Variants in CALD1 observed in about 807,000 individuals in gnomAD.
CALD1 encodes caldesmon 1.
CALD1 carries 33 observed loss-of-function variants against 99.9 expected under a neutral mutation model. The ratio of observed to expected loss-of-function variants is 0.33; its 90% CI spans 0.25 to 0.44. The LOEUF (loss-of-function observed/expected upper bound fraction) is 0.44. Among genes scored for constraint, CALD1 ranks in the 20% least tolerant of loss-of-function variants. The probability of loss-of-function intolerance (pLI) is 1.00; values close to 1 mark genes in which losing one functional copy is unlikely to be tolerated. For missense variants in CALD1, 861 were observed against 962.1 expected (o/e 0.89, Z 1.39); for synonymous variants, 310 against 325.0 (o/e 0.95, Z 0.50).
intron 1 of CALD1, among the ~76,000 whole-genome samples, chr7:134,746,285 T>C (rs1796634068): frequency 6.6e-6 from 1 of 152,154 alleles, no homozygotes. Context: ...CTTCACTCTG[T>C]GAGGACACAG....
intron 2 of CALD1, among the ~76,000 whole-genome samples, chr7:134,855,410 C>T (rs1173679941): frequency 6.6e-6 from 1 of 152,202 alleles, no homozygotes; most frequent in African/African-American, 2.4e-5. Context: ...TCCAAAGGAT[C>T]TCAAGAGAAA....
At chr7:134,889,322 T>A (rs1213927088) in intron 3 of CALD1, among the ~76,000 whole-genome samples, 3 of 152,120 alleles carry the variant, frequency 2.0e-5, no homozygotes, top group Non-Finnish European at 4.4e-5. Flanking sequence ...CCCCTCTCCA[T>A]CTTCAAAGCC....
At chr7:134,900,858 G>C (rs370081533) in intron 3 of CALD1, among the ~76,000 whole-genome samples, 2 of 151,990 alleles carry the variant, frequency 1.3e-5, no homozygotes, top group African/African-American at 4.8e-5. Flanking sequence ...AAGAGAAATG[G>C]CATGATATCT....
chr7:134,761,101 G>C (rs1158756281), intron 1 of CALD1, among the ~76,000 whole-genome samples: 29 of 152,148 alleles, frequency 1.9e-4, no homozygotes, highest in African/African-American at 4.8e-5. Context: ...CATGTGACCA[G>C]TCAGAGATAA....
chr7:134,743,099 C>T (rs888120086), upstream of CALD1, among the ~76,000 whole-genome samples: 4 of 152,142 alleles, frequency 2.6e-5, no homozygotes, highest in Admixed American at 6.5e-5. Context: ...TCCACATTTC[C>T]CAGCACTTCT....
At chr7:134,909,684 G>A (rs1049293068) in intron 3 of CALD1, among the ~76,000 whole-genome samples, 1 of 151,870 alleles carries the variant, frequency 6.6e-6, no homozygotes, top group African/African-American at 2.4e-5. Context: ...AGAGCAAAAC[G>A]CAGTCTCAAA....
chr7:134,900,658 C>T (rs776415230), intron 3 of CALD1, among the ~76,000 whole-genome samples: 29 of 152,060 alleles, frequency 1.9e-4, no homozygotes, highest in Non-Finnish European at 3.8e-4. Context: ...AGTGTATGAC[C>T]ACAAGCAGGT....
chr7:134,810,696 A>C (rs1459651545), intron 1 of CALD1, among the ~76,000 whole-genome samples: 5 of 152,074 alleles, frequency 3.3e-5, no homozygotes. Flanking sequence ...ATAAAACCCA[A>C]AGTTTACCTG....
chr7:134,773,786 G>C (rs1234754200), intron 1 of CALD1, among the ~76,000 whole-genome samples: 2 of 103,486 alleles, frequency 1.9e-5, no homozygotes, highest in Non-Finnish European at 3.5e-5. Flanking sequence ...TCTCTTCTGT[G>C]TGTGTGTGTG....
At chr7:134,889,048 G>A (rs1563070266) in intron 3 of CALD1, among the ~76,000 whole-genome samples, 1 of 152,118 alleles carries the variant, frequency 6.6e-6, no homozygotes, top group Non-Finnish European at 1.5e-5. Context: ...TGTCACCTCA[G>A]AATTGGCGTG....
upstream of CALD1, among the ~76,000 whole-genome samples, chr7:134,776,611 C>T (rs1038448076): frequency 2.0e-5 from 3 of 152,116 alleles, no homozygotes; most frequent in African/African-American, 4.8e-5. Context: ...CAAGATTCTA[C>T]CAGCCTGCTT....
chr7:134,891,745 TAAAAAAAAAAAA>T (rs10607357), intron 3 of CALD1: 1 of 426,696 alleles, frequency 2.3e-6, no homozygotes. Flanking sequence ...CGAATTGTTG[TAAAAAAAAAAAA>T]AAAAAAAAAA....
rs188314978 is a variant in CALD1, at chr7:134,750,728, T to G, written c.-130+6365T>G. 5.0e-3 allele frequency among the ~76,000 whole-genome samples: 752 copies of G among 151,178 alleles called. 5 individuals are homozygous for G. The highest frequency in any genetic ancestry group is 0.017 in the African/African-American group (721 of 41,208). On this transcript the variant is annotated intron_variant, in intron 1 of 13. Coordinates refer to the CALD1 transcript ENST00000417172. The stretch of plus-strand genomic sequence containing the variant: ...CCACTGTATAAAATATATATTCAAT[T>G]ACCAATTCTATACATTACTTCTATA...
At chr7:134,897,376 A>G (rs1359544613) in intron 3 of CALD1, among the ~76,000 whole-genome samples, 2 of 147,190 alleles carry the variant, frequency 1.4e-5, no homozygotes, top group Non-Finnish European at 3.0e-5. Context: ...CCTATATACA[A>G]TATATATATA....
intron 1 of CALD1, among the ~76,000 whole-genome samples, chr7:134,773,868 C>T (rs1258890751): frequency 6.6e-6 from 1 of 150,926 alleles, no homozygotes; most frequent in Non-Finnish European, 1.5e-5. Context: ...TAATGTGATG[C>T]TCATATTTAA....
chr7:134,840,034 C>T (rs1799590576), intron 1 of CALD1, among the ~76,000 whole-genome samples: 1 of 152,172 alleles, frequency 6.6e-6, no homozygotes, highest in Non-Finnish European at 1.5e-5. Flanking sequence ...CAATCTATGG[C>T]TAGCATCTCC....
chr7:134,907,362 A>T (rs1469424252), intron 3 of CALD1, among the ~76,000 whole-genome samples: 2 of 152,148 alleles, frequency 1.3e-5, no homozygotes, highest in Non-Finnish European at 2.9e-5. Context: ...TAGCCCTGTA[A>T]ACAGAGGAGA....
intron 1 of CALD1, among the ~76,000 whole-genome samples, chr7:134,798,112 A>C (rs556124831): frequency 1.3e-5 from 2 of 152,354 alleles, no homozygotes; most frequent in African/African-American, 4.8e-5. Flanking sequence ...GGTTTCTTTA[A>C]GCCCCTTAAA....
At position 134,947,556 on chromosome 7, in the gene CALD1, C is replaced by G. The variant is rs763789829; in HGVS notation, c.1581C>G (p.Ala527=). Residue 527 remains alanine (A), a synonymous_variant, in exon 8 of 15, where the codon GCC becomes GCG. Coordinates refer to ENST00000361675, the MANE Select transcript of CALD1 (RefSeq NM_033138.4). ...ASVDTKEAEG[A]PQVEAGKRLE... ...TGGACACCAAGGAGGCTGAGGGCGC[C>G]CCCCAGGTGGAAGCCGGCAAAAGGC... 4 of 1,563,426 alleles carry G rather than the reference C, an allele frequency of 2.6e-6. No individual in the cohort carries two copies. In the Admixed American group the frequency reaches 7.5e-5, roughly 29 times the overall value.
Sources: allele counts gnomAD v4.1 joint callset (sites outside exome capture counted in the v4.1 genomes callset), GRCh38; gene constraint gnomAD v4.1.1; transcripts MANE v1.5; gene names NCBI Gene and HGNC (gene_info 2026-07-23, HGNC 2026-07-21).